The following DLC1 variants were observed in gnomAD, a reference collection of about 807,000 sequenced individuals.
DLC1 encodes DLC1 Rho GTPase activating protein, also known as rho GTPase-activating protein 7.
A neutral mutation model predicts 140.3 loss-of-function variants in DLC1; 54 were observed. The observed-to-expected ratio is 0.38, with a 90% confidence interval of 0.31 to 0.48. The LOEUF is 0.48. Ranked by LOEUF, DLC1 falls within the 20% of genes least tolerant of loss-of-function variation. The pLI, the probability that DLC1 is intolerant of heterozygous loss-of-function variation, is 0.96. For missense variants in DLC1, 2,536 were observed against 1,907.0 expected (o/e 1.33, Z -6.14); for synonymous variants, 986 against 728.1 (o/e 1.35, Z -5.70).
At chr8:13,270,790 A>C (rs1830900474) in intron 5 of DLC1, among the ~76,000 whole-genome samples, 1 of 152,122 alleles carries the variant, frequency 6.6e-6, no homozygotes, top group Admixed American at 6.6e-5. Context: ...AAAGCCAATT[A>C]TAGAGGTGTC....
intron 5 of DLC1, among the ~76,000 whole-genome samples, chr8:13,124,419 C>CTGTA (rs1821383308): frequency 6.6e-6 from 1 of 152,164 alleles, no homozygotes; most frequent in Non-Finnish European, 1.5e-5. Context: ...TCTGGATTTA[C>CTGTA]TACAATACAG....
chr8:13,511,591 CTCTGTTTGG>C (rs1802368276), intron 1 of DLC1, among the ~76,000 whole-genome samples: 1 of 152,130 alleles, frequency 6.6e-6, no homozygotes, highest in African/African-American at 2.4e-5. Flanking sequence ...TTCTCTGTAA[CTCTGTTTGG>C]TCTATGTTGT....
At chr8:13,228,529 A>C (rs112197392) in intron 5 of DLC1, among the ~76,000 whole-genome samples, 1,872 of 152,182 alleles carry the variant, frequency 0.012, 12 homozygotes, top group East Asian at 0.041. Context: ...GATTGGGAGG[A>C]GTTTGAGACC....
intron 16 of DLC1, 28 bp downstream of exon 16, chr8:13,088,459 C>T: frequency 6.2e-7 from 1 of 1,612,042 alleles, no homozygotes. Context: ...TCATCCTTGT[C>T]ACAAAAAAAC....
intron 2 of DLC1, among the ~76,000 whole-genome samples, chr8:13,492,926 T>C (rs1801327990): frequency 6.6e-6 from 1 of 152,202 alleles, no homozygotes; most frequent in Non-Finnish European, 1.5e-5. Flanking sequence ...TGAAATTATT[T>C]GATAGTTTTC....
At chr8:13,112,010 G>A (rs1054152261) in intron 6 of DLC1, among the ~76,000 whole-genome samples, 1 of 152,060 alleles carries the variant, frequency 6.6e-6, no homozygotes, top group Admixed American at 6.6e-5. Context: ...ATTTTACTGG[G>A]CATGGTGGCA....
chr8:13,423,546 T>C (rs1309939817), intron 2 of DLC1, among the ~76,000 whole-genome samples: 1 of 152,132 alleles, frequency 6.6e-6, no homozygotes, highest in Admixed American at 6.5e-5. Context: ...TAATTATAAT[T>C]ATAAGAAGTA....
intron 5 of DLC1, among the ~76,000 whole-genome samples, chr8:13,266,170 G>C (rs966162088): frequency 3.9e-5 from 6 of 152,144 alleles, no homozygotes; most frequent in African/African-American, 1.4e-4. Flanking sequence ...ACATAAATTG[G>C]AATTAATTGC....
intron 5 of DLC1, among the ~76,000 whole-genome samples, chr8:13,191,951 A>ATTATTATTATTG (rs1486800514): frequency 6.7e-6 from 1 of 148,936 alleles, no homozygotes; most frequent in African/African-American, 2.5e-5. Context: ...TATTATTATT[A>ATTATTATTATTG]TTATTATTTT....
intron 5 of DLC1, among the ~76,000 whole-genome samples, chr8:13,212,698 CTT>C (rs1414340765): frequency 6.6e-6 from 1 of 152,056 alleles, no homozygotes; most frequent in African/African-American, 2.4e-5. Flanking sequence ...GGTGCTTGTG[CTT>C]TCTCGAGTGG....
In DLC1 at chr8:13,571,803, C is replaced by T. The variant is rs1272077003; in HGVS notation, c.-126+32734G>A. On this transcript the variant is annotated intron_variant, in intron 1 of 1. Transcript: ENST00000631382. ...TGACACATTATTTCTACAGCAGTTG[C>T]AACGTTTTACATTTCCACCAGCAAG... 2.6e-5 allele frequency among the ~76,000 whole-genome samples: 4 copies of T among 152,276 alleles called. No individual in the cohort carries two copies. The East Asian group carries it at 7.7e-4, about 29-fold the overall frequency.
Position 13,363,385 on chromosome 8 carries a change from TTTA to T in DLC1, c.1314+30165_1314+30167del, listed in dbSNP as rs779601043. The stretch of plus-strand genomic sequence containing the variant: ...GCATTTGCAGTGTTTTTTTTTTTTT[TTTA>T]AACTTTATGGTGTCCATCAGAACCT... On this transcript the variant is annotated intron_variant, in intron 4 of 17. Coordinates refer to ENST00000276297, the MANE Select transcript of DLC1 (RefSeq NM_182643.3). Among the ~76,000 whole-genome samples, 5 of 145,430 alleles carry T rather than the reference TTTA, an allele frequency of 3.4e-5. No individual in the cohort carries two copies. The South Asian group carries it at 1.1e-3, about 32-fold the overall frequency.
rs994808769 is a variant in DLC1 at position 13,305,159 on chromosome 8, A to G, written c.1348+110T>C. ...TACAGAATTTAAACAACATTTTCCC[A>G]TATATTCATGAGATGTATACATTTT... is the stretch of plus-strand genomic sequence containing the variant. On this transcript the variant is annotated intron_variant, in intron 5 of 17. Transcript: ENST00000276297. 1.4e-5 allele frequency: 20 copies of G among 1,446,574 alleles called. 1 individual carries two copies. The South Asian group carries it at 1.4e-4, about 10-fold the overall frequency. 89.6% of individuals were successfully genotyped at this position (1,446,574 alleles called of 1,614,324 possible).
chr8:13,318,387 T>C (rs536164866), intron 4 of DLC1, among the ~76,000 whole-genome samples: 10 of 152,254 alleles, frequency 6.6e-5, no homozygotes, highest in East Asian at 1.9e-4. Flanking sequence ...TATTATTCTA[T>C]GTATGAGGAA....
At chr8:13,260,606 G>T (rs1475660374) in intron 5 of DLC1, among the ~76,000 whole-genome samples, 1 of 152,046 alleles carries the variant, frequency 6.6e-6, no homozygotes, top group Non-Finnish European at 1.5e-5. Context: ...TTAAAGGTGA[G>T]GATAGGACAA....
chr8:13,363,277 C>A (rs1355971443), intron 4 of DLC1, among the ~76,000 whole-genome samples: 2 of 151,726 alleles, frequency 1.3e-5, no homozygotes, highest in East Asian at 1.9e-4. Context: ...AGAGTCATTG[C>A]TTTCTGTCTG....
chr8:13,125,223 C>T (rs995009470), intron 5 of DLC1, among the ~76,000 whole-genome samples: 2 of 152,140 alleles, frequency 1.3e-5, no homozygotes, highest in African/African-American at 4.8e-5. Context: ...GTGAGCCATC[C>T]GCCTTGGCCT....
chr8:13,243,794 G>C (rs919711926), intron 5 of DLC1, among the ~76,000 whole-genome samples: 1 of 152,166 alleles, frequency 6.6e-6, no homozygotes, highest in African/African-American at 2.4e-5. Context: ...AGGGCCAAAA[G>C]AGCTGCTCTC....
intron 2 of DLC1, among the ~76,000 whole-genome samples, chr8:13,411,355 A>T (rs981123799): frequency 6.6e-6 from 1 of 152,208 alleles, no homozygotes; most frequent in Non-Finnish European, 1.5e-5. Context: ...TATTCTGGAG[A>T]GGCAAAACTA....
Sources: allele counts gnomAD v4.1 joint callset (sites outside exome capture counted in the v4.1 genomes callset), GRCh38; gene constraint gnomAD v4.1.1; transcripts MANE v1.5; gene names NCBI Gene and HGNC (gene_info 2026-07-23, HGNC 2026-07-21).